Variants in SHANK2 observed in about 807,000 individuals in gnomAD.
SHANK2 encodes SH3 and multiple ankyrin repeat domains 2, also known as SH3 and multiple ankyrin repeat domains protein 2.
A neutral mutation model predicts 133.7 loss-of-function variants in SHANK2; 43 were observed. The observed-to-expected ratio is 0.32, with a 90% CI of 0.25 to 0.41. The LOEUF is 0.41. SHANK2 is among the 10% of genes least tolerant of loss of function. The pLI, the probability that SHANK2 is intolerant of heterozygous loss-of-function variation, is 1.00. For missense variants in SHANK2, 1,994 were observed against 2,235.8 expected (o/e 0.89, Z 2.18); for synonymous variants, 1,017 against 952.8 (o/e 1.07, Z -1.24).
chr11:70,684,079 T>C (rs1369324089), intron 15 of SHANK2, among the ~76,000 whole-genome samples: 2 of 152,136 alleles, frequency 1.3e-5, no homozygotes, highest in East Asian at 1.9e-4. Context: ...CCACTGCACC[T>C]GGCCCTGGAT....
intron 17 of SHANK2, among the ~76,000 whole-genome samples, chr11:70,552,517 G>A (rs182696899): frequency 2.2e-4 from 34 of 152,322 alleles, no homozygotes; most frequent in South Asian, 2.1e-3. Context: ...GGGATCAGAT[G>A]TCTCATTTCC....
Position 70,490,442 on chromosome 11 carries a change from G to A in SHANK2, c.2440-55C>T, listed in dbSNP as rs560460138. 1,244 of 1,447,018 alleles carry A rather than the reference G, an allele frequency of 8.6e-4. 1 individual carries two copies. The highest frequency in any genetic ancestry group is 1.1e-3 in the Non-Finnish European group (1,088 of 1,028,244). 89.6% of individuals were successfully genotyped at this position (1,447,018 alleles called of 1,614,324 possible). The stretch of plus-strand genomic sequence containing the variant: ...CAGCCCTGGCCAGCCCCCACCCACG[G>A]TCACAGGGCCCAGAGACCACAAGGG... On this transcript the variant is annotated intron_variant, in intron 22 of 25. Transcript: ENST00000601538.
intron 11 of SHANK2, among the ~76,000 whole-genome samples, chr11:70,829,819 C>T (rs1948700491): frequency 6.6e-6 from 1 of 152,244 alleles, no homozygotes; most frequent in Non-Finnish European, 1.5e-5. Flanking sequence ...CACACACCTA[C>T]TGAGTGCCCG....
intron 14 of SHANK2, among the ~76,000 whole-genome samples, chr11:70,758,022 G>A (rs1195810868): frequency 6.6e-6 from 1 of 152,180 alleles, no homozygotes; most frequent in African/African-American, 2.4e-5. Context: ...AAGCCCAGCT[G>A]GGAAGGTGAC....
At chr11:70,786,030 G>A (rs1456761818) in intron 14 of SHANK2, among the ~76,000 whole-genome samples, 2 of 152,154 alleles carry the variant, frequency 1.3e-5, no homozygotes, top group Non-Finnish European at 2.9e-5. Context: ...CAGTGTAGAG[G>A]TTCCCACACT....
chr11:70,826,860 G>A (rs1948649635), intron 11 of SHANK2: 1 of 209,238 alleles, frequency 4.8e-6, no homozygotes, highest in African/African-American at 2.3e-5. Flanking sequence ...AGGCGTCCTC[G>A]AGCTGGCAGC....
intron 9 of SHANK2, among the ~76,000 whole-genome samples, chr11:71,070,171 C>T (rs1039952521): frequency 2.6e-5 from 4 of 152,166 alleles, no homozygotes; most frequent in East Asian, 1.9e-4. Flanking sequence ...TGGCATCACA[C>T]GAGATGTGGT....
At chr11:71,134,565 G>C (rs1555104417) in intron 3 of SHANK2, among the ~76,000 whole-genome samples, 1 of 151,130 alleles carries the variant, frequency 6.6e-6, no homozygotes, top group African/African-American at 2.4e-5. Flanking sequence ...TCAGCCTCCT[G>C]AGTAGCTGGG....
chr11:71,128,754 C>T (rs1952237060), intron 3 of SHANK2, among the ~76,000 whole-genome samples: 1 of 152,194 alleles, frequency 6.6e-6, no homozygotes, highest in African/African-American at 2.4e-5. Context: ...CAGTTAAGTG[C>T]TCCTCCCTGC....
At chr11:71,119,130 C>A (rs1179450952) in intron 3 of SHANK2, 98 bp from the exon 4 acceptor site, 29 of 990,500 alleles carry the variant, frequency 2.9e-5, no homozygotes, top group Non-Finnish European at 4.2e-5. Flanking sequence ...TGCTTCCACC[C>A]CTTCCCGACA....
chr11:70,724,840 G>T (rs1264391615), intron 14 of SHANK2, among the ~76,000 whole-genome samples: 1 of 152,184 alleles, frequency 6.6e-6, no homozygotes, highest in Non-Finnish European at 1.5e-5. Flanking sequence ...GATCTAACGG[G>T]GTGATCAGGT....
chr11:70,855,722 C>G (rs1938698745), intron 11 of SHANK2, among the ~76,000 whole-genome samples: 1 of 151,710 alleles, frequency 6.6e-6, no homozygotes, highest in Non-Finnish European at 1.5e-5. Context: ...GTAAGATGAA[C>G]AGAAGAGAGG....
intron 3 of SHANK2, 90 bp from the exon 4 acceptor site, chr11:71,119,122 C>T: frequency 1.9e-6 from 2 of 1,061,156 alleles, no homozygotes; most frequent in Non-Finnish European, 2.8e-6. Context: ...GGCAAAGCTG[C>T]TTCCACCCCT....
chr11:70,733,052 G>C (rs941154424), intron 14 of SHANK2, among the ~76,000 whole-genome samples: 4 of 152,262 alleles, frequency 2.6e-5, no homozygotes, highest in Non-Finnish European at 4.4e-5. Flanking sequence ...GCTGGGCGGG[G>C]TGGGAGAGAC....
intron 17 of SHANK2, among the ~76,000 whole-genome samples, chr11:70,609,251 G>A (rs1490719484): frequency 6.6e-6 from 1 of 152,262 alleles, no homozygotes. Context: ...CCTGGGCTAG[G>A]TCTGACGGCA....
At chr11:70,718,138 A>G (rs1555027917) in intron 14 of SHANK2, among the ~76,000 whole-genome samples, 1 of 152,232 alleles carries the variant, frequency 6.6e-6, no homozygotes, top group Non-Finnish European at 1.5e-5. Context: ...GCAATTACGC[A>G]TGCCATTAGC....
In SHANK2 at chr11:70,487,329, T is replaced by C. The variant is rs2058824770; in HGVS notation, c.2964A>G (p.Pro988=). 1.9e-6 allele frequency: 3 copies of C among 1,614,074 alleles called. No homozygotes were observed. Among genetic ancestry groups the C allele is most frequent in the Non-Finnish European group, 2.5e-6 (3 of 1,180,008 alleles). Residue 988 remains proline (P), a synonymous_variant, in exon 25 of 26, where the codon CCA becomes CCG. Coordinates refer to ENST00000601538, the MANE Select transcript of SHANK2 (RefSeq NM_012309.5). The surrounding 1 kb of genome is among the most constrained non-coding windows in gnomAD (Gnocchi z 5.8). ...TGGCGATCTTCCCCACCTCTGAGTA[T>C]GGGTTTTCTGGCATCTGGCCTCTCT... ...RNKRGQMPEN[P]YSEVGKIASK... is the part of the protein sequence containing the mutation.
chr11:70,552,707 C>T (rs1448821219), intron 17 of SHANK2, among the ~76,000 whole-genome samples: 2 of 152,150 alleles, frequency 1.3e-5, no homozygotes, highest in African/African-American at 2.4e-5. Flanking sequence ...GGGCCAGTGA[C>T]GGACACAGCC....
At chr11:70,638,330 C>G (rs1467944345) in intron 17 of SHANK2, among the ~76,000 whole-genome samples, 1 of 152,260 alleles carries the variant, frequency 6.6e-6, no homozygotes, top group Admixed American at 6.5e-5. Context: ...GGCCACAGAC[C>G]AGCTGCTGTG....
Sources: allele counts gnomAD v4.1 joint callset (sites outside exome capture counted in the v4.1 genomes callset), GRCh38; gene constraint gnomAD v4.1.1; non-coding constraint Gnocchi (gnomAD v3.1); transcripts MANE v1.5; gene names NCBI Gene and HGNC (gene_info 2026-07-23, HGNC 2026-07-21).